Variants in SHISA6 observed in about 807,000 individuals in gnomAD.
SHISA6 encodes shisa family member 6.
SHISA6 carries 22 observed loss-of-function variants against 47.9 expected under a neutral mutation model. That is an observed-to-expected ratio of 0.46 (90% CI 0.33 to 0.66). The LOEUF (loss-of-function observed/expected upper bound fraction) is 0.66, where lower values mean the gene tolerates loss of function less well. Among genes scored for constraint, SHISA6 ranks in the 30% least tolerant of loss-of-function variants. SHISA6 has a pLI of 0.02. For missense variants in SHISA6, 680 were observed against 764.6 expected (o/e 0.89, Z 1.30); for synonymous variants, 388 against 337.8 (o/e 1.15, Z -1.63).
At chr17:11,412,796 C>A (rs1010489802) in intron 3 of SHISA6, among the ~76,000 whole-genome samples, 1 of 152,128 alleles carries the variant, frequency 6.6e-6, no homozygotes, top group African/African-American at 2.4e-5. Context: ...ATTCCACCAT[C>A]CCCACCACCC....
At chr17:11,409,491 G>A (rs1030793391) in intron 3 of SHISA6, among the ~76,000 whole-genome samples, 1 of 152,022 alleles carries the variant, frequency 6.6e-6, no homozygotes, top group African/African-American at 2.4e-5. Context: ...GGATCACGAA[G>A]TCAGGAGTTC....
Position 11,409,481 on chromosome 17 carries a change from G to A in SHISA6, c.895+29972G>A, listed in dbSNP as rs970642686. Among the ~76,000 whole-genome samples, 7 of 151,812 alleles carry A rather than the reference G, an allele frequency of 4.6e-5. No individual in the cohort carries two copies. The East Asian group carries it at 9.7e-4, about 21-fold the overall frequency. On this transcript the variant is annotated intron_variant, in intron 3 of 5. Coordinates refer to ENST00000441885, the MANE Select transcript of SHISA6 (RefSeq NM_207386.4). The stretch of plus-strand genomic sequence containing the variant: ...CCTGTAATCCCAGGCTGAGGCGGGC[G>A]GATCACGAAGTCAGGAGTTCCAGAC...
intron 3 of SHISA6, among the ~76,000 whole-genome samples, chr17:11,523,574 C>G (rs375908754): frequency 3.9e-5 from 6 of 152,162 alleles, no homozygotes; most frequent in African/African-American, 1.4e-4. Context: ...CAAGGATAGT[C>G]TAGGGCTCTG....
chr17:11,505,646 T>C (rs2071492666), intron 3 of SHISA6, among the ~76,000 whole-genome samples: 1 of 152,238 alleles, frequency 6.6e-6, no homozygotes, highest in Admixed American at 6.5e-5. Flanking sequence ...GAACAAAGAC[T>C]GAACCAGGAG....
At chr17:11,368,139 G>GT (rs1455283804) in intron 2 of SHISA6, among the ~76,000 whole-genome samples, 2 of 152,184 alleles carry the variant, frequency 1.3e-5, no homozygotes, top group Non-Finnish European at 2.9e-5. Flanking sequence ...ACAAGACTCG[G>GT]TGTGTCCAAG....
chr17:11,454,119 T>C (rs1390190912), intron 3 of SHISA6, among the ~76,000 whole-genome samples: 1 of 152,204 alleles, frequency 6.6e-6, no homozygotes, highest in Non-Finnish European at 1.5e-5. Context: ...GTGCGTCTCA[T>C]TCATTCGATT....
chr17:11,412,145 C>T (rs1426545393), intron 3 of SHISA6, among the ~76,000 whole-genome samples: 1 of 152,172 alleles, frequency 6.6e-6, no homozygotes, highest in Non-Finnish European at 1.5e-5. Context: ...ATCCTTTCCA[C>T]TTTACTGGCT....
At chr17:11,326,611 C>T (rs1910906281) in intron 2 of SHISA6, among the ~76,000 whole-genome samples, 1 of 152,190 alleles carries the variant, frequency 6.6e-6, no homozygotes, top group South Asian at 2.1e-4. Flanking sequence ...AATCCTAGAC[C>T]ATCTGTCTAA....
intron 1 of SHISA6, among the ~76,000 whole-genome samples, chr17:11,256,360 G>A (rs985905175): frequency 5.9e-5 from 9 of 152,154 alleles, no homozygotes; most frequent in Admixed American, 5.9e-4. Flanking sequence ...GCTGGGCGTG[G>A]TGACAGGGGC....
In SHISA6 at chr17:11,520,654, C is replaced by T. The variant is rs115706370; in HGVS notation, c.896-31242C>T. On this transcript the variant is annotated intron_variant, in intron 3 of 5. Transcript: ENST00000441885. ...GGGGCCTTTGCACATACAGTATGCA[C>T]ACGTGCACACACACATCCCATGCAC... 2.7e-3 allele frequency among the ~76,000 whole-genome samples: 405 copies of T among 152,230 alleles called. 1 individual carries two copies. The highest frequency in any genetic ancestry group is 9.4e-3 in the African/African-American group (390 of 41,536).
intron 2 of SHISA6, among the ~76,000 whole-genome samples, chr17:11,342,396 G>C (rs1212394100): frequency 6.6e-6 from 1 of 151,952 alleles, no homozygotes; most frequent in Non-Finnish European, 1.5e-5. Flanking sequence ...GCTGCAGCCA[G>C]ACCAGGCCCA....
chr17:11,395,887 T>C (rs558155726), intron 3 of SHISA6, among the ~76,000 whole-genome samples: 10 of 152,300 alleles, frequency 6.6e-5, no homozygotes, highest in African/African-American at 2.2e-4. Flanking sequence ...TAGTAAAATG[T>C]TGAATAGTAG....
chr17:11,507,256 G>T (rs1387522035), intron 3 of SHISA6, among the ~76,000 whole-genome samples: 1 of 152,154 alleles, frequency 6.6e-6, no homozygotes, highest in African/African-American at 2.4e-5. Flanking sequence ...AATTGGACAG[G>T]CAGGCTGGGG....
chr17:11,556,774 G>A (rs768831012), intron 5 of SHISA6, among the ~76,000 whole-genome samples: 6 of 152,238 alleles, frequency 3.9e-5, no homozygotes, highest in African/African-American at 7.2e-5. Context: ...CAACGACCCC[G>A]CTGCACCAAC....
At chr17:11,533,587 A>ATTTTT (rs3038696) in intron 3 of SHISA6, among the ~76,000 whole-genome samples, 1,896 of 94,862 alleles carry the variant, frequency 0.02, 17 homozygotes, top group Non-Finnish European at 0.027. Context: ...CCCTTTCATT[A>ATTTTT]TTTTTTTTTT....
At chr17:11,516,444 A>G (rs1389407649) in intron 3 of SHISA6, among the ~76,000 whole-genome samples, 1 of 152,234 alleles carries the variant, frequency 6.6e-6, no homozygotes, top group Admixed American at 6.5e-5. Context: ...ACAGGGGCAG[A>G]ATAAAGATTA....
At chr17:11,472,670 A>G (rs1476524112) in intron 3 of SHISA6, among the ~76,000 whole-genome samples, 4 of 152,104 alleles carry the variant, frequency 2.6e-5, no homozygotes, top group African/African-American at 9.7e-5. Flanking sequence ...TAAGTTTTCA[A>G]CTCCTTTGAA....
At chr17:11,435,703 G>T (rs947988966) in intron 3 of SHISA6, among the ~76,000 whole-genome samples, 1 of 152,010 alleles carries the variant, frequency 6.6e-6, no homozygotes, top group Non-Finnish European at 1.5e-5. Flanking sequence ...GGCTCATGGG[G>T]TTGCTGGTCA....
intron 3 of SHISA6, among the ~76,000 whole-genome samples, chr17:11,546,458 A>G (rs920385877): frequency 6.6e-6 from 1 of 152,242 alleles, no homozygotes; most frequent in African/African-American, 2.4e-5. Flanking sequence ...ATAAGATAGA[A>G]TACTCTTTCT....
Sources: gnomAD v4.1 joint callset for allele counts (sites outside exome capture counted in the v4.1 genomes callset) on GRCh38, gnomAD v4.1.1 for gene constraint, MANE v1.5 for transcripts, NCBI Gene and HGNC (gene_info 2026-07-23, HGNC 2026-07-21) for gene names.